The following SCAMP4 variants were observed in gnomAD, a reference collection of about 807,000 sequenced individuals.
SCAMP4 encodes secretory carrier-associated membrane protein 4.
A neutral mutation model predicts 32.1 loss-of-function variants in SCAMP4; 19 were observed. That is an observed-to-expected ratio of 0.59 (90% confidence interval 0.41 to 0.87). The LOEUF (loss-of-function observed/expected upper bound fraction) is 0.87. Ranked by LOEUF, SCAMP4 falls within the 40% of genes least tolerant of loss-of-function variation. SCAMP4 has a pLI of 0.00. For synonymous variants in SCAMP4, 152 were observed against 132.7 expected, an observed-to-expected ratio of 1.15 and a Z score of -1.00; for missense variants, 302 against 309.0, an observed-to-expected ratio of 0.98 and a Z score of 0.17.
At chr19:1,920,423 C>A in intron 5 of SCAMP4, 1 of 642,274 alleles carries the variant, frequency 1.6e-6, no homozygotes, top group Non-Finnish European at 1.9e-6. Context: ...GCCCCTCGAT[C>A]TGCAGGCCTC....
At chr19:1,913,192 G>T (rs758122032) in intron 1 of SCAMP4, 46 of 1,469,734 alleles carry the variant, frequency 3.1e-5, no homozygotes, top group Non-Finnish European at 4.0e-5. Flanking sequence ...GCTCCCGGCC[G>T]TGGGGCGCCC....
At chr19:1,917,568 C>T (rs1040949013) in intron 2 of SCAMP4, 126 bp from the exon 3 acceptor site, 20 of 1,028,128 alleles carry the variant, frequency 1.9e-5, no homozygotes, top group African/African-American at 6.3e-5. Context: ...AGCGTCCTGC[C>T]CTCAATCCCA....
intron 5 of SCAMP4, chr19:1,921,155 G>A (rs1599255630): frequency 4.1e-6 from 4 of 985,302 alleles, no homozygotes; most frequent in Non-Finnish European, 3.6e-6. Flanking sequence ...GCTGTGGGGC[G>A]AGAGGGGACA....
intron 5 of SCAMP4, chr19:1,920,550 G>T (rs967084480): frequency 2.1e-6 from 2 of 962,986 alleles, no homozygotes; most frequent in Non-Finnish European, 1.2e-6. Context: ...CCAAGAGCCT[G>T]AGTGACGTTG....
At chr19:1,921,761 GC>G in intron 5 of SCAMP4, 1 of 984,394 alleles carries the variant, frequency 1.0e-6, no homozygotes, top group Non-Finnish European at 1.2e-6. Context: ...GAGAATCACT[GC>G]TTGAGGCCAG....
At chr19:1,909,791 A>C (rs1247901258) in intron 1 of SCAMP4, among the ~76,000 whole-genome samples, 1 of 152,196 alleles carries the variant, frequency 6.6e-6, no homozygotes, top group Non-Finnish European at 1.5e-5. Flanking sequence ...GGGACACCCC[A>C]GTGGCTGCCT....
At chr19:1,917,999 C>A in intron 3 of SCAMP4, 128 bp from the exon 4 acceptor site, 1 of 1,377,166 alleles carries the variant, frequency 7.3e-7, no homozygotes, top group Non-Finnish European at 9.9e-7. Flanking sequence ...TTGGCTTGCA[C>A]AGTTCATCCT....
At chr19:1,919,142 C>G (rs956134672) in intron 5 of SCAMP4, 152 bp downstream of exon 5, 3 of 1,452,558 alleles carry the variant, frequency 2.1e-6, no homozygotes, top group Admixed American at 2.6e-5. Context: ...TGGCAGCGCC[C>G]GCGTCCTCGC....
intron 6 of SCAMP4, 89 bp downstream of exon 6, chr19:1,923,276 G>C (rs1046511795): frequency 1.7e-6 from 2 of 1,156,910 alleles, no homozygotes; most frequent in Non-Finnish European, 2.4e-6. Flanking sequence ...ACGTCGAGGA[G>C]CCGGGCCCTC....
intron 5 of SCAMP4, chr19:1,921,242 G>C (rs1027688576): frequency 1.0e-6 from 1 of 985,122 alleles, no homozygotes; most frequent in Non-Finnish European, 1.2e-6. Context: ...TGGGGCAAGA[G>C]GCGACAGCCC....
intron 2 of SCAMP4, 128 bp from the exon 3 acceptor site, chr19:1,917,566 G>A: frequency 1.0e-6 from 1 of 988,836 alleles, no homozygotes; most frequent in Non-Finnish European, 1.5e-6. Flanking sequence ...TCAGCGTCCT[G>A]CCCTCAATCC....
At chr19:1,922,562 T>C in intron 5 of SCAMP4, 1 of 985,442 alleles carries the variant, frequency 1.0e-6, no homozygotes, top group Non-Finnish European at 1.2e-6. Flanking sequence ...GGTCCCTCAG[T>C]GCCCACCGGG....
At chr19:1,915,309 G>A (rs942425063) in intron 2 of SCAMP4, 9 of 546,694 alleles carry the variant, frequency 1.6e-5, no homozygotes, top group African/African-American at 7.6e-5. Context: ...TTATAGCAGC[G>A]GGCGTGTTCT....
chr19:1,909,485 A>G (rs372146451), intron 1 of SCAMP4, among the ~76,000 whole-genome samples: 31 of 151,826 alleles, frequency 2.0e-4, no homozygotes, highest in African/African-American at 6.8e-4. Flanking sequence ...TGGCTCTACT[A>G]TCTCCTGTCC....
chr19:1,915,962 G>C (rs2013719877), intron 2 of SCAMP4, among the ~76,000 whole-genome samples: 1 of 142,530 alleles, frequency 7.0e-6, no homozygotes, highest in African/African-American at 2.6e-5. Context: ...AAAAAGAGAT[G>C]GTCCGGGCGT....
intron 1 of SCAMP4, chr19:1,913,471 T>G (rs2145441528): frequency 2.2e-6 from 1 of 446,386 alleles, no homozygotes; most frequent in East Asian, 4.7e-5. Context: ...AGGAGGTGTG[T>G]GCCTTTGTGG....
At chr19:1,912,803 G>T (rs908242314) in intron 1 of SCAMP4, 17 of 1,578,076 alleles carry the variant, frequency 1.1e-5, no homozygotes, top group Non-Finnish European at 1.5e-5. Flanking sequence ...CGCGCGGCCA[G>T]GGCCGCGGCA....
Position 1,905,406 on chromosome 19 carries a change from G to C in SCAMP4, c.-75G>C, listed in dbSNP as rs12974606. On this transcript the variant is annotated 5_prime_UTR_variant, in exon 1 of 7. Coordinates refer to ENST00000316097, the MANE Select transcript of SCAMP4 (RefSeq NM_079834.4). ...TGGGCCGGGCCGGTTGCTAAGACTT[G>C]GCGAAGCGCTGCGCTCGCGCCCGGA... 2 of 463,862 alleles carry C rather than the reference G, an allele frequency of 4.3e-6. No homozygotes were observed. The highest frequency in any genetic ancestry group is 4.8e-5 in the Admixed American group (2 of 41,814). 28.7% of individuals were successfully genotyped at this position (463,862 alleles called of 1,614,324 possible). A position where few individuals can be genotyped will look rare whatever the true frequency, so the allele number is the denominator to read the frequency against.
rs756867314 is a variant in SCAMP4 at position 1,918,278 on chromosome 19, C to T, written c.288C>T (p.Ala96=). 5.6e-5 allele frequency: 89 copies of T among 1,599,820 alleles called. No individual in the cohort carries two copies. Among genetic ancestry groups the T allele is most frequent in the Middle Eastern group, 1.7e-4 (1 of 6,042 alleles). ...GCTGGTTCCGGCCTGTCTACAAGGC[C>T]TTCCGGTGAGCAGAGCTGCCGGGGG... ...YVCWFRPVYK[A]FRADSSFNFM... is the part of the protein sequence containing the mutation. The change falls in exon 4 of 7, where the codon GCC becomes GCT. Residue 96 remains alanine (A), a synonymous_variant. Coordinates refer to ENST00000316097, the MANE Select transcript of SCAMP4 (RefSeq NM_079834.4).
Sources: gnomAD v4.1 joint callset for allele counts (sites outside exome capture counted in the v4.1 genomes callset) on GRCh38, gnomAD v4.1.1 for gene constraint, MANE v1.5 for transcripts, NCBI Gene and HGNC (gene_info 2026-07-23, HGNC 2026-07-21) for gene names.